Variants in VAV2 observed in about 807,000 individuals in gnomAD.
The protein encoded by VAV2 is vav guanine nucleotide exchange factor 2, also known as guanine nucleotide exchange factor VAV2.
Under a neutral mutation model 132.5 loss-of-function variants are expected in VAV2, and 67 were observed. The observed-to-expected ratio is 0.51, with a 90% confidence interval of 0.42 to 0.62. The LOEUF (loss-of-function observed/expected upper bound fraction) is 0.62, where lower values mean the gene tolerates loss of function less well. Ranked by LOEUF, VAV2 falls within the 20% of genes least tolerant of loss-of-function variation. The pLI, the probability that VAV2 is intolerant of heterozygous loss-of-function variation, is 0.00. For missense variants in VAV2, 938 were observed against 1,153.6 expected, an observed-to-expected ratio of 0.81 and a Z score of 2.71; for synonymous variants, 492 against 443.5, an observed-to-expected ratio of 1.11 and a Z score of -1.37.
intron 25 of VAV2, 49 bp downstream of exon 25, chr9:133,774,886 A>C (rs752013043): frequency 6.5e-7 from 1 of 1,538,028 alleles, no homozygotes; most frequent in East Asian, 2.3e-5. Context: ...TCTCCACTTC[A>C]GAACGGCATT....
chr9:133,865,899 C>G (rs1427268520), intron 2 of VAV2, among the ~76,000 whole-genome samples: 1 of 152,266 alleles, frequency 6.6e-6, no homozygotes, highest in Non-Finnish European at 1.5e-5. Flanking sequence ...CTGGTTTCCC[C>G]TGGCTTTCAG....
intron 1 of VAV2, among the ~76,000 whole-genome samples, chr9:133,960,191 G>A (rs959944377): frequency 6.6e-6 from 1 of 152,186 alleles, no homozygotes; most frequent in Non-Finnish European, 1.5e-5. Flanking sequence ...ACAGTCCAGC[G>A]GATCCCAGCA....
Position 133,783,514 on chromosome 9 carries a change from G to A in VAV2, c.1712C>T (p.Pro571Leu). The stretch of plus-strand genomic sequence containing the variant: ...AGGGGGGTACTCACTGAACTTGCAG[G>A]GAGGTATCACTTCCAGGCACTCCTT... ...AHKECLEVIP[P>L]CKFTSPADLD... The change falls in exon 19 of 30, where the codon CCC becomes CTC. Residue 571 changes from proline to leucine, a missense_variant. Coordinates refer to ENST00000371850, the MANE Select transcript of VAV2 (RefSeq NM_001134398.2). The A allele has an allele frequency of 6.2e-7, 1 of 1,613,806 alleles. No individual in the cohort carries two copies. The highest frequency in any genetic ancestry group is 8.5e-7 in the Non-Finnish European group (1 of 1,179,932).
Position 133,820,308 on chromosome 9 carries a change from A to C in VAV2, c.450-8092T>G, listed in dbSNP as rs570978814. 4.6e-5 allele frequency among the ~76,000 whole-genome samples: 7 copies of C among 151,674 alleles called. No individual in the cohort carries two copies. The South Asian group carries it at 1.3e-3, about 27-fold the overall frequency. On this transcript the variant is annotated intron_variant, in intron 4 of 29. Coordinates refer to ENST00000371850, the MANE Select transcript of VAV2 (RefSeq NM_001134398.2). ...TCTTGGCAAAGATGCCATCTCCATAAACAAGTTTCTTTTTCTTTTTCTTTT... is the reference window on the plus strand; with the variant it reads ...TCTTGGCAAAGATGCCATCTCCATACACAAGTTTCTTTTTCTTTTTCTTTT...
intron 3 of VAV2, among the ~76,000 whole-genome samples, chr9:133,852,734 ACTGTATTT>A (rs1479077176): frequency 2.6e-4 from 39 of 152,196 alleles, no homozygotes; most frequent in Non-Finnish European, 5.4e-4. Flanking sequence ...ACAGCCAGTT[ACTGTATTT>A]CTGAACAAAT....
chr9:133,878,402 C>T (rs780565110), intron 2 of VAV2, among the ~76,000 whole-genome samples: 42 of 152,244 alleles, frequency 2.8e-4, no homozygotes, highest in African/African-American at 8.9e-4. Flanking sequence ...ATCTGGCCAA[C>T]GCAGCTCCCC....
At chr9:133,987,367 C>T (rs1842888466) in intron 1 of VAV2, among the ~76,000 whole-genome samples, 1 of 152,186 alleles carries the variant, frequency 6.6e-6, no homozygotes, top group African/African-American at 2.4e-5. Context: ...GAGGGTGAAA[C>T]CCAAGGAGGC....
intron 2 of VAV2, among the ~76,000 whole-genome samples, chr9:133,937,825 G>A (rs545862139): frequency 6.6e-6 from 1 of 152,178 alleles, no homozygotes; most frequent in African/African-American, 2.4e-5. Context: ...AGGCAGGTGC[G>A]CTGCTGCAGG....
At chr9:133,844,870 ACT>A (rs1475492510) in intron 3 of VAV2, among the ~76,000 whole-genome samples, 6 of 152,200 alleles carry the variant, frequency 3.9e-5, no homozygotes, top group African/African-American at 1.4e-4. Context: ...GCAGGTCAGC[ACT>A]CTCTGTGCCC....
intron 1 of VAV2, among the ~76,000 whole-genome samples, chr9:133,954,751 C>T (rs748533547): frequency 3.3e-5 from 5 of 150,896 alleles, no homozygotes; most frequent in Non-Finnish European, 5.9e-5. Context: ...GGTGTACAGG[C>T]GTGCATGTGT....
chr9:133,859,242 T>A (rs1046973296), intron 3 of VAV2, among the ~76,000 whole-genome samples: 9 of 152,238 alleles, frequency 5.9e-5, no homozygotes, highest in African/African-American at 1.9e-4. Flanking sequence ...TGGGCTCCCG[T>A]TGCCACCTGT....
intron 11 of VAV2, 138 bp from the exon 12 acceptor site, chr9:133,795,874 T>C: frequency 1.2e-6 from 1 of 864,966 alleles, no homozygotes; most frequent in Non-Finnish European, 1.8e-6. Context: ...CAGGCTGGGT[T>C]TGGCTGCCCG....
In VAV2 at chr9:133,883,374, G is replaced by A. The variant is rs1349521798; in HGVS notation, c.322-21942C>T. On this transcript the variant is annotated intron_variant, in intron 2 of 29. Transcript: ENST00000371850. This position sits in a 1 kb window ranked among gnomAD's most constrained non-coding sequence, Gnocchi z 4.2. ...GGGTGTGCCAAGTGAGTGTGGGGCTGACGGGTGTGAGCCACAGTGGGCAGT... is the reference window on the plus strand; with the variant it reads ...GGGTGTGCCAAGTGAGTGTGGGGCTAACGGGTGTGAGCCACAGTGGGCAGT... Among the ~76,000 whole-genome samples, 1 of 152,248 alleles carries A rather than the reference G, an allele frequency of 6.6e-6. No individual in the cohort carries two copies. Among genetic ancestry groups the A allele is most frequent in the Non-Finnish European group, 1.5e-5 (1 of 68,050 alleles).
At chr9:133,984,467 G>C (rs1842790335) in intron 1 of VAV2, among the ~76,000 whole-genome samples, 1 of 152,094 alleles carries the variant, frequency 6.6e-6, no homozygotes, top group Non-Finnish European at 1.5e-5. Context: ...TAAAACATTA[G>C]CTGGGCGCGG....
intron 1 of VAV2, among the ~76,000 whole-genome samples, chr9:133,966,538 T>G (rs749700067): frequency 9.2e-5 from 14 of 152,112 alleles, no homozygotes; most frequent in Admixed American, 9.2e-4. Context: ...AGACCCCGTC[T>G]CTACAAAACA....
intron 3 of VAV2, among the ~76,000 whole-genome samples, chr9:133,845,948 C>A (rs1056350732): frequency 6.6e-6 from 1 of 152,200 alleles, no homozygotes; most frequent in African/African-American, 2.4e-5. Context: ...CAGACACCAG[C>A]CTCTGTCCAT....
At chr9:133,899,199 C>T (rs924989437) in intron 2 of VAV2, among the ~76,000 whole-genome samples, 30 of 151,898 alleles carry the variant, frequency 2.0e-4, no homozygotes, top group African/African-American at 5.6e-4. Context: ...CCATCACAAA[C>T]GCGGAATAAC....
intron 3 of VAV2, among the ~76,000 whole-genome samples, chr9:133,853,837 C>T (rs2131845898): frequency 6.6e-6 from 1 of 152,288 alleles, no homozygotes; most frequent in Non-Finnish European, 1.5e-5. Flanking sequence ...CCTTGAGAAC[C>T]TGCAACCAAG....
chr9:133,961,812 C>G lies in VAV2; in HGVS notation c.205-22593G>C, dbSNP rs1841974823. ...ATGTACACCAGGGAGCCCACAGGAGCAGAGTGGCCCCTCGTTCTGGTGGCC... is the reference window on the plus strand; with the variant it reads ...ATGTACACCAGGGAGCCCACAGGAGGAGAGTGGCCCCTCGTTCTGGTGGCC... On this transcript the variant is annotated intron_variant, in intron 1 of 29. Coordinates refer to ENST00000371850, the MANE Select transcript of VAV2 (RefSeq NM_001134398.2). The surrounding 1 kb of genome is among the most constrained non-coding windows in gnomAD (Gnocchi z 4.1). 6.6e-6 allele frequency among the ~76,000 whole-genome samples: 1 copy of G among 152,174 alleles called. No individual in the cohort carries two copies. Among genetic ancestry groups the G allele is most frequent in the Non-Finnish European group, 1.5e-5 (1 of 68,018 alleles).
Sources: gnomAD v4.1 joint callset for allele counts (sites outside exome capture counted in the v4.1 genomes callset) on GRCh38, gnomAD v4.1.1 for gene constraint, Gnocchi (gnomAD v3.1) non-coding constraint, MANE v1.5 for transcripts, NCBI Gene and HGNC (gene_info 2026-07-23, HGNC 2026-07-21) for gene names.